KLHL29: variants seen among roughly 807,000 people sequenced by gnomAD.
KLHL29 encodes the protein kelch like family member 29, also known as kelch-like protein 29.
Under a neutral mutation model 80.4 loss-of-function variants are expected in KLHL29, and 21 were observed. The observed-to-expected ratio is 0.26, with a 90% CI of 0.19 to 0.38. The LOEUF (loss-of-function observed/expected upper bound fraction) is 0.38, where lower values mean the gene tolerates loss of function less well. Ranked by LOEUF, KLHL29 falls within the 10% of genes least tolerant of loss-of-function variation. The pLI is 1.00. For synonymous variants in KLHL29, 511 were observed against 526.8 expected (o/e 0.97, Z 0.41); for missense variants, 867 against 1,223.9 (o/e 0.71, Z 4.35).
chr2:23,588,320 C>T (rs985313479), intron 3 of KLHL29, among the ~76,000 whole-genome samples: 7 of 152,210 alleles, frequency 4.6e-5, no homozygotes, highest in African/African-American at 1.4e-4. Context: ...GAGCAGGCCT[C>T]AGCACCCCTC....
At chr2:23,628,853 TGCGTCTGC>T (rs1379221135) in intron 3 of KLHL29, among the ~76,000 whole-genome samples, 30 of 151,510 alleles carry the variant, frequency 2.0e-4, no homozygotes, top group African/African-American at 7.0e-4. Context: ...TTGTGTGATG[TGCGTCTGC>T]GAGTCTACAG....
chr2:23,391,244 A>G (rs1666315939), intron 1 of KLHL29, among the ~76,000 whole-genome samples: 1 of 152,070 alleles, frequency 6.6e-6, no homozygotes, highest in South Asian at 2.1e-4. Flanking sequence ...TTCCTTTTTA[A>G]GGTTGAATAA....
At chr2:23,597,721 G>A (rs1489883235) in intron 3 of KLHL29, among the ~76,000 whole-genome samples, 4 of 152,104 alleles carry the variant, frequency 2.6e-5, no homozygotes, top group Admixed American at 6.5e-5. Context: ...CACCGTGCCC[G>A]GCCCTGTTCA....
rs377729877 is a variant in KLHL29, at chr2:23,693,435, C to T, written c.1449C>T (p.Tyr483=). 3.8e-5 allele frequency: 59 copies of T among 1,551,736 alleles called. No homozygotes were observed. In the African/African-American group the frequency reaches 5.3e-4, roughly 14 times the overall value. Residue 483 remains tyrosine (Y), a synonymous_variant, in exon 8 of 14, where the codon TAC becomes TAT. Coordinates refer to ENST00000486442, the MANE Select transcript of KLHL29 (RefSeq NM_052920.2). ...LSISKDDFIA[Y]VSNDSLNTKA... ...TCTCCAAGGACGACTTCATCGCCTA[C>T]GTCTCCAACGACAGCCTCAACACCA...
intron 5 of KLHL29, among the ~76,000 whole-genome samples, chr2:23,665,791 C>T (rs969021540): frequency 1.3e-5 from 2 of 152,162 alleles, no homozygotes; most frequent in Non-Finnish European, 2.9e-5. Flanking sequence ...ACGGAGAGGC[C>T]TCTCATGACC....
chr2:23,409,758 A>G (rs537351794), intron 1 of KLHL29, among the ~76,000 whole-genome samples: 1 of 152,358 alleles, frequency 6.6e-6, no homozygotes, highest in East Asian at 1.9e-4. Flanking sequence ...AGGAGTTTAC[A>G]GTCTAGTGGG....
chr2:23,703,584 G>A, intron 12 of KLHL29, 135 bp from the exon 13 acceptor site: 3 of 1,209,772 alleles, frequency 2.5e-6, no homozygotes, highest in Non-Finnish European at 3.4e-6. Context: ...CTAGGCCCCG[G>A]ACCCATCCCC....
intron 5 of KLHL29, chr2:23,667,306 C>T (rs960080102): frequency 1.3e-5 from 2 of 152,154 alleles, no homozygotes; most frequent in Admixed American, 1.3e-4. Flanking sequence ...TTTCTTTGCG[C>T]TCTGAGCACA....
intron 1 of KLHL29, among the ~76,000 whole-genome samples, chr2:23,410,774 A>C (rs1286703334): frequency 6.6e-6 from 1 of 152,066 alleles, no homozygotes; most frequent in African/African-American, 2.4e-5. Flanking sequence ...GTGCTGGCTG[A>C]GTCAAGAATG....
intron 2 of KLHL29, among the ~76,000 whole-genome samples, chr2:23,487,842 A>T (rs978949407): frequency 6.6e-6 from 1 of 152,206 alleles, no homozygotes; most frequent in African/African-American, 2.4e-5. Context: ...TGGAGTTTCT[A>T]GATGTTGAAC....
intron 3 of KLHL29, among the ~76,000 whole-genome samples, chr2:23,618,284 A>G (rs1344039645): frequency 2.0e-5 from 3 of 152,130 alleles, no homozygotes; most frequent in East Asian, 1.9e-4. Context: ...TGAATTTTAC[A>G]TGTCAACTTG....
chr2:23,590,550 C>T (rs923737721), intron 3 of KLHL29, among the ~76,000 whole-genome samples: 4 of 152,174 alleles, frequency 2.6e-5, no homozygotes, highest in African/African-American at 7.2e-5. Flanking sequence ...AGGCCACAGA[C>T]GCCATGCCGA....
chr2:23,497,661 A>G (rs1227575924), intron 2 of KLHL29, among the ~76,000 whole-genome samples: 1 of 152,204 alleles, frequency 6.6e-6, no homozygotes, highest in African/African-American at 2.4e-5. Context: ...GCCCAGGAGC[A>G]TCTTTCCCTG....
chr2:23,588,165 G>GT (rs770457430), intron 3 of KLHL29, among the ~76,000 whole-genome samples: 10 of 152,258 alleles, frequency 6.6e-5, no homozygotes, highest in South Asian at 4.2e-4. Flanking sequence ...CCCTGGGGTG[G>GT]TGCCAGTGCC....
At position 23,491,410 on chromosome 2, in the gene KLHL29, T is replaced by C. The variant is rs1489746995; in HGVS notation, c.-46+15743T>C. 3.3e-5 allele frequency among the ~76,000 whole-genome samples: 5 copies of C among 152,010 alleles called. No individual in the cohort carries two copies. The East Asian group carries it at 9.7e-4, about 29-fold the overall frequency. On this transcript the variant is annotated intron_variant, in intron 2 of 13. Coordinates refer to ENST00000486442, the MANE Select transcript of KLHL29 (RefSeq NM_052920.2). ...CCTGTAGTGATGGCTTTCTCCTGCT[T>C]GGGAAAAGGCAGAGGGAAGGCCTAG...
chr2:23,427,504 C>T (rs1572504172), intron 1 of KLHL29, among the ~76,000 whole-genome samples: 3 of 152,098 alleles, frequency 2.0e-5, no homozygotes, highest in South Asian at 2.1e-4. Context: ...AGAGGGGTGG[C>T]GTGTTCTGCG....
chr2:23,482,909 G>A (rs60875434), intron 2 of KLHL29, among the ~76,000 whole-genome samples: 3,330 of 152,176 alleles, frequency 0.022, 102 homozygotes, highest in African/African-American at 0.07. Flanking sequence ...ATTGTCCTAG[G>A]TCTGGGATCC....
chr2:23,542,009 G>A (rs1666852943), intron 2 of KLHL29, among the ~76,000 whole-genome samples: 1 of 152,210 alleles, frequency 6.6e-6, no homozygotes, highest in African/African-American at 2.4e-5. Flanking sequence ...GGGAGGGGTT[G>A]GGCTGTGTGC....
intron 5 of KLHL29, among the ~76,000 whole-genome samples, chr2:23,660,197 C>T (rs1251587852): frequency 6.6e-6 from 1 of 152,174 alleles, no homozygotes; most frequent in East Asian, 1.9e-4. Context: ...ATGGCCTGGG[C>T]CAGAGACCAG....
Sources: allele counts gnomAD v4.1 joint callset (sites outside exome capture counted in the v4.1 genomes callset), GRCh38; gene constraint gnomAD v4.1.1; transcripts MANE v1.5; gene names NCBI Gene and HGNC (gene_info 2026-07-23, HGNC 2026-07-21).